Variants in BMAL1 observed in about 807,000 individuals in gnomAD.
The protein encoded by BMAL1 is basic helix-loop-helix ARNT like 1, also known as basic helix-loop-helix ARNT-like protein 1.
the BMAL1 span, among the ~76,000 whole-genome samples, chr11:13,371,781 T>C: frequency 4.0e-3 from 606 of 152,310 alleles, 8 homozygotes; most frequent in African/African-American, 0.014. Flanking sequence ...AGTTCCTATA[T>C]AGGCTGTGCC....
the BMAL1 span, among the ~76,000 whole-genome samples, chr11:13,278,630 G>T: frequency 6.6e-6 from 1 of 152,192 alleles, no homozygotes; most frequent in South Asian, 2.1e-4. Flanking sequence ...GCGAACTTTC[G>T]TGGGGCCTGT....
chr11:13,328,089 G>T, the BMAL1 span, among the ~76,000 whole-genome samples: 1 of 152,142 alleles, frequency 6.6e-6, no homozygotes, highest in Non-Finnish European at 1.5e-5. Context: ...CATGAGAACT[G>T]GCCTGGCCAT....
the BMAL1 span, among the ~76,000 whole-genome samples, chr11:13,321,774 T>A: frequency 6.6e-6 from 1 of 152,146 alleles, no homozygotes; most frequent in Non-Finnish European, 1.5e-5. Context: ...AGCAGGTAGA[T>A]TAGATTGTTA....
At chr11:13,365,186 A>G in the BMAL1 span, among the ~76,000 whole-genome samples, 1 of 152,126 alleles carries the variant, frequency 6.6e-6, no homozygotes, top group Non-Finnish European at 1.5e-5. Flanking sequence ...CTGGACCATG[A>G]TACCTTCAAA....
At chr11:13,333,423 C>T in the BMAL1 span, among the ~76,000 whole-genome samples, 1 of 152,246 alleles carries the variant, frequency 6.6e-6, no homozygotes, top group African/African-American at 2.4e-5. Flanking sequence ...CCTGTCACCA[C>T]TGCCACCACC....
the BMAL1 span, among the ~76,000 whole-genome samples, chr11:13,376,136 TGAG>T: frequency 6.6e-6 from 1 of 152,192 alleles, no homozygotes; most frequent in African/African-American, 2.4e-5. Flanking sequence ...TGGCCTTGGC[TGAG>T]GATGGGGAGG....
the BMAL1 span, among the ~76,000 whole-genome samples, chr11:13,386,202 G>T: frequency 1.3e-5 from 2 of 152,102 alleles, no homozygotes; most frequent in Admixed American, 6.6e-5. Flanking sequence ...TTCTAGATCT[G>T]TTTTTTTCCT....
At chr11:13,358,702 C>A in the BMAL1 span, 3 of 1,177,134 alleles carry the variant, frequency 2.5e-6, no homozygotes, top group African/African-American at 4.7e-5. Context: ...AATTATGTAG[C>A]CTTCAGTAGT....
the BMAL1 span, among the ~76,000 whole-genome samples, chr11:13,303,654 T>G: frequency 1.3e-5 from 2 of 152,208 alleles, no homozygotes; most frequent in African/African-American, 4.8e-5. Context: ...CCTGTGTCTC[T>G]GCCTTCTTCA....
chr11:13,333,566 A>C, the BMAL1 span, among the ~76,000 whole-genome samples: 1 of 152,222 alleles, frequency 6.6e-6, no homozygotes, highest in Non-Finnish European at 1.5e-5. Context: ...TCATTTTCAA[A>C]GTGACAGAAT....
At chr11:13,365,517 G>A in the BMAL1 span, 3 of 1,613,014 alleles carry the variant, frequency 1.9e-6, no homozygotes, top group African/African-American at 1.3e-5. Context: ...ATGGATTTTT[G>A]TTTGTCGTAG....
chr11:13,278,492 T>A, the BMAL1 span, among the ~76,000 whole-genome samples: 1 of 152,150 alleles, frequency 6.6e-6, no homozygotes, highest in Admixed American at 6.5e-5. Context: ...CCCGCGAGGC[T>A]GGGTGGGGGC....
chr11:13,382,452 C>T, the BMAL1 span, among the ~76,000 whole-genome samples: 1 of 152,170 alleles, frequency 6.6e-6, no homozygotes, highest in Non-Finnish European at 1.5e-5. Flanking sequence ...TGTGAAAGTG[C>T]TTGGCCCAAA....
chr11:13,349,709 T>C, the BMAL1 span, among the ~76,000 whole-genome samples: 1 of 152,188 alleles, frequency 6.6e-6, no homozygotes, highest in Non-Finnish European at 1.5e-5. Context: ...CGAAAATATC[T>C]CCTGCCAGAT....
chr11:13,358,260 G>A, the BMAL1 span, among the ~76,000 whole-genome samples: 1 of 152,236 alleles, frequency 6.6e-6, no homozygotes, highest in African/African-American at 2.4e-5. Context: ...ACCTGGCAGT[G>A]AGACCATTTT....
the BMAL1 span, among the ~76,000 whole-genome samples, chr11:13,286,446 A>C: frequency 6.6e-6 from 1 of 152,182 alleles, no homozygotes; most frequent in African/African-American, 2.4e-5. Flanking sequence ...TGGCTGAGTA[A>C]ATTTGAGTAA....
the BMAL1 span, chr11:13,358,412 C>T: frequency 9.3e-6 from 14 of 1,507,610 alleles, no homozygotes; most frequent in African/African-American, 1.4e-5. Flanking sequence ...TATAAGAAAT[C>T]GTTTTTCATA....
chr11:13,300,586 G>A, the BMAL1 span, among the ~76,000 whole-genome samples: 3 of 152,198 alleles, frequency 2.0e-5, no homozygotes, highest in Non-Finnish European at 2.9e-5. Flanking sequence ...CAATCTACCT[G>A]TGAAAATCAA....
At chr11:13,334,442 T>G in the BMAL1 span, among the ~76,000 whole-genome samples, 1 of 151,952 alleles carries the variant, frequency 6.6e-6, no homozygotes, top group Non-Finnish European at 1.5e-5. Flanking sequence ...CCCCAACAAA[T>G]GGGTTCATCC....
Sources: gnomAD v4.1 joint callset for allele counts (sites outside exome capture counted in the v4.1 genomes callset) on GRCh38, gnomAD v4.1.1 for gene constraint, MANE v1.5 for transcripts, NCBI Gene and HGNC (gene_info 2026-07-23, HGNC 2026-07-21) for gene names.